SMOC1: variants seen among roughly 807,000 people sequenced by gnomAD.
The protein encoded by SMOC1 is SPARC-related modular calcium-binding protein 1.
Under a neutral mutation model 56.3 loss-of-function variants are expected in SMOC1, and 22 were observed. The ratio of observed to expected loss-of-function variants is 0.39; its 90% CI spans 0.28 to 0.56. The LOEUF (loss-of-function observed/expected upper bound fraction) is 0.56. Ranked by LOEUF, SMOC1 falls within the 20% of genes least tolerant of loss-of-function variation. The pLI, the probability that SMOC1 is intolerant of heterozygous loss-of-function variation, is 0.61. For missense variants in SMOC1, 509 were observed against 565.4 expected (o/e 0.90, Z 1.01); for synonymous variants, 193 against 215.0 (o/e 0.90, Z 0.89).
At chr14:69,967,058 G>C (rs1310038528) in intron 3 of SMOC1, among the ~76,000 whole-genome samples, 2 of 152,178 alleles carry the variant, frequency 1.3e-5, no homozygotes, top group Non-Finnish European at 1.5e-5. Flanking sequence ...TGAGCAGGCT[G>C]GGGAAGAACA....
rs573216605 is a variant in SMOC1, at chr14:69,980,542, G to A, written c.526+2577G>A. ...AGCAGGTTCGGGCCACCTGTAGGACGCCACACCTGAAGCCACACCTGTCCA... is the reference window on the plus strand; with the variant it reads ...AGCAGGTTCGGGCCACCTGTAGGACACCACACCTGAAGCCACACCTGTCCA... On this transcript the variant is annotated intron_variant, in intron 5 of 11. Coordinates refer to ENST00000361956, the MANE Select transcript of SMOC1 (RefSeq NM_001034852.3). Among the ~76,000 whole-genome samples the A allele has an allele frequency of 7.9e-4, 121 of 152,322 alleles. 2 individuals are homozygous for A. The South Asian group carries it at 0.024, about 30-fold the overall frequency.
intron 1 of SMOC1, chr14:69,885,267 T>TTC (rs1883766003): frequency 1.2e-5 from 3 of 252,486 alleles, no homozygotes; most frequent in South Asian, 6.4e-5. Context: ...GAACAACTTC[T>TTC]TTTTTTTTTT....
intron 1 of SMOC1, among the ~76,000 whole-genome samples, chr14:69,941,214 C>A (rs897934620): frequency 6.6e-6 from 1 of 152,228 alleles, no homozygotes; most frequent in African/African-American, 2.4e-5. Flanking sequence ...CCATGGGCAG[C>A]AACCCTGTTC....
intron 1 of SMOC1, among the ~76,000 whole-genome samples, chr14:69,912,139 C>A (rs1884570189): frequency 6.6e-6 from 1 of 152,172 alleles, no homozygotes; most frequent in Non-Finnish European, 1.5e-5. Context: ...CAAATGAAGT[C>A]ATGTGTATAG....
At chr14:69,936,942 AT>A (rs2139405787) in intron 1 of SMOC1, among the ~76,000 whole-genome samples, 1 of 152,310 alleles carries the variant, frequency 6.6e-6, no homozygotes, top group South Asian at 2.1e-4. Context: ...TATTATATGT[AT>A]GTATATTTAT....
chr14:69,941,200 T>C (rs1882546987), intron 1 of SMOC1, among the ~76,000 whole-genome samples: 2 of 152,202 alleles, frequency 1.3e-5, no homozygotes, highest in Admixed American at 6.5e-5. Context: ...CCCACTGATA[T>C]TCTCCATGGG....
At chr14:69,907,952 C>G (rs1884453816) in intron 1 of SMOC1, among the ~76,000 whole-genome samples, 1 of 152,152 alleles carries the variant, frequency 6.6e-6, no homozygotes, top group African/African-American at 2.4e-5. Context: ...TCCCCTATGA[C>G]CTAATCACCT....
At chr14:69,976,664 G>A (rs912585940) in intron 4 of SMOC1, among the ~76,000 whole-genome samples, 4 of 152,118 alleles carry the variant, frequency 2.6e-5, no homozygotes, top group African/African-American at 9.7e-5. Flanking sequence ...ACTCTGAGTC[G>A]CTCCCTTAAT....
intron 1 of SMOC1, among the ~76,000 whole-genome samples, chr14:69,887,787 A>G (rs1210382069): frequency 2.6e-5 from 4 of 152,210 alleles, no homozygotes; most frequent in African/African-American, 9.7e-5. Context: ...TTCCTTGCTC[A>G]GGGTGATTCA....
rs1199677354 is a variant in SMOC1, at chr14:70,022,198, C to T, written c.1047-1005C>T. Among the ~76,000 whole-genome samples the T allele has an allele frequency of 2.0e-5, 3 of 152,188 alleles. No individual in the cohort carries two copies. In the East Asian group the frequency reaches 5.8e-4, roughly 29 times the overall value. On this transcript the variant is annotated intron_variant, in intron 10 of 11. Transcript: ENST00000361956. ...ACCCAGGCAGCCCCTCTGTAATAGA[C>T]CCATTATTGGCTTTAAAAATTGTAA...
intron 3 of SMOC1, among the ~76,000 whole-genome samples, chr14:69,974,485 T>A (rs1270181914): frequency 6.6e-6 from 1 of 151,988 alleles, no homozygotes; most frequent in East Asian, 1.9e-4. Flanking sequence ...GTGGAGGGTG[T>A]GTGCTGGGAC....
chr14:69,945,778 A>G (rs1173970495), intron 1 of SMOC1, among the ~76,000 whole-genome samples: 1 of 152,236 alleles, frequency 6.6e-6, no homozygotes, highest in Non-Finnish European at 1.5e-5. Context: ...TGAGTATGGT[A>G]TCACAGAGAG....
intron 1 of SMOC1, among the ~76,000 whole-genome samples, chr14:69,895,905 C>T (rs1317090900): frequency 7.1e-6 from 1 of 141,484 alleles, no homozygotes; most frequent in Admixed American, 7.8e-5. Context: ...TGTTCTGTCA[C>T]CTAGGCTAGA....
At chr14:69,975,936 A>G (rs1217547706) in intron 4 of SMOC1, 122 bp downstream of exon 4, 1 of 722,442 alleles carries the variant, frequency 1.4e-6, no homozygotes, top group Non-Finnish European at 2.5e-6. Context: ...TTTCTAGATC[A>G]GGGAGGATTC....
chr14:69,958,790 C>T (rs932794925), intron 3 of SMOC1, among the ~76,000 whole-genome samples: 3 of 152,168 alleles, frequency 2.0e-5, no homozygotes, highest in African/African-American at 7.2e-5. Context: ...TTGGAAACAA[C>T]CTAAATATCC....
At chr14:69,990,863 A>G (rs2139540785) in intron 5 of SMOC1, among the ~76,000 whole-genome samples, 1 of 152,334 alleles carries the variant, frequency 6.6e-6, no homozygotes, top group Non-Finnish European at 1.5e-5. Context: ...GTGTCAGTAC[A>G]TGAGAATAAT....
At chr14:69,932,913 AAG>A (rs1885204558) in intron 1 of SMOC1, among the ~76,000 whole-genome samples, 1 of 152,180 alleles carries the variant, frequency 6.6e-6, no homozygotes, top group Admixed American at 6.5e-5. Context: ...GAAGCTGTGC[AAG>A]ACTACACCAA....
chr14:69,940,097 C>T (rs1476905524), intron 1 of SMOC1, among the ~76,000 whole-genome samples: 1 of 152,214 alleles, frequency 6.6e-6, no homozygotes, highest in African/African-American at 2.4e-5. Flanking sequence ...TGTCCAGAAT[C>T]TCTACAAGTC....
chr14:69,883,441 G>C (rs1342208735), intron 1 of SMOC1, among the ~76,000 whole-genome samples: 1 of 152,126 alleles, frequency 6.6e-6, no homozygotes, highest in Non-Finnish European at 1.5e-5. Context: ...CATCTACATT[G>C]TTGCAAATGA....
Sources: allele counts gnomAD v4.1 joint callset (sites outside exome capture counted in the v4.1 genomes callset), GRCh38; gene constraint gnomAD v4.1.1; transcripts MANE v1.5; gene names NCBI Gene and HGNC (gene_info 2026-07-23, HGNC 2026-07-21).